DENND2B: variants seen among roughly 807,000 people sequenced by gnomAD.
The protein encoded by DENND2B is DENN domain-containing protein 2B.
DENND2B carries 32 observed loss-of-function variants against 116.0 expected under a neutral mutation model. That is an observed-to-expected ratio of 0.28 (90% CI 0.21 to 0.37). The LOEUF (loss-of-function observed/expected upper bound fraction) is 0.37, where lower values mean the gene tolerates loss of function less well. Among genes scored for constraint, DENND2B ranks in the 10% least tolerant of loss-of-function variants. The pLI, the probability that DENND2B is intolerant of heterozygous loss-of-function variation, is 1.00. For synonymous variants in DENND2B, 588 were observed against 583.9 expected, an observed-to-expected ratio of 1.01 and a Z score of -0.10; for missense variants, 1,276 against 1,477.7, an observed-to-expected ratio of 0.86 and a Z score of 2.24.
chr11:8,818,332 C>G (rs2061650104), intron 4 of DENND2B, among the ~76,000 whole-genome samples: 1 of 151,828 alleles, frequency 6.6e-6, no homozygotes, highest in Non-Finnish European at 1.5e-5. Flanking sequence ...CAACAATGAC[C>G]TTAACCTACC....
Position 8,717,790 on chromosome 11 carries a change from T to G in DENND2B, c.1580A>C (p.His527Pro). 1 of 1,610,552 alleles carries G rather than the reference T, an allele frequency of 6.2e-7. No homozygotes were observed. Reference protein sequence around the residue: ...QLSENSLDSLHRMWSPQDRKY... With the variant: ...QLSENSLDSLPRMWSPQDRKY... ...CCTGTCCTGAGGACTCCACATCCTG[T>G]GCAAAGAGTCCAAGGAGTTCTCAGA... The change falls in exon 5 of 20, where the codon CAC (histidine) becomes CCC (proline). Residue 527 changes from histidine (H) to proline (P), a missense_variant. Around this residue, in one of 2 missense-constraint regions of DENND2B, gnomAD observed 856 missense variants for 846.6 expected, o/e 1.01. Coordinates refer to ENST00000313726, the MANE Select transcript of DENND2B (RefSeq NM_213618.2).
In DENND2B at chr11:8,766,202, G is replaced by A. The variant is rs186897342; in HGVS notation, c.-25-15477C>T. On this transcript the variant is annotated intron_variant, in intron 1 of 19. Transcript: ENST00000313726. The stretch of plus-strand genomic sequence containing the variant: ...TCATGGAGCCAAGAGGAGTTCCCAG[G>A]GCAGGCCCAACCCAGCCCCAGAAGT... Among the ~76,000 whole-genome samples, 282 of 152,112 alleles carry A rather than the reference G, an allele frequency of 1.9e-3. 2 individuals carry two copies. Among genetic ancestry groups the A allele is most frequent in the African/African-American group, 6.3e-3 (261 of 41,498 alleles).
chr11:8,708,130 C>A, intron 11 of DENND2B: 1 of 1,362,848 alleles, frequency 7.3e-7, no homozygotes, highest in East Asian at 3.1e-5. Context: ...AGGACGCTGA[C>A]GGGGGCTGGC....
At chr11:8,879,607 A>G (rs557725626) in intron 2 of DENND2B, among the ~76,000 whole-genome samples, 1 of 152,338 alleles carries the variant, frequency 6.6e-6, no homozygotes, top group Non-Finnish European at 1.5e-5. Context: ...AAATCACCCA[A>G]AGAGAACTGT....
intron 14 of DENND2B, chr11:8,699,945 G>A (rs1247282296): frequency 2.6e-5 from 12 of 456,278 alleles, no homozygotes; most frequent in East Asian, 6.9e-5. Context: ...TTGAATACCC[G>A]GCCAGGCCAA....
chr11:8,702,206 T>A lies in DENND2B; in HGVS notation c.2720+366A>T, dbSNP rs2041834162. 6.6e-6 allele frequency among the ~76,000 whole-genome samples: 1 copy of A among 152,220 alleles called. No individual in the cohort carries two copies. Among genetic ancestry groups the A allele is most frequent in the South Asian group, 2.1e-4 (1 of 4,832 alleles). On this transcript the variant is annotated intron_variant, in intron 14 of 19. Transcript: ENST00000313726. The surrounding 1 kb of genome is among the most constrained non-coding windows in gnomAD (Gnocchi z 4.6). ...CCTCAAACTCAGCATCCCATTGAGA[T>A]GGCTTTGCCTCCCCCTCCAGAAGAA...
intron 1 of DENND2B, among the ~76,000 whole-genome samples, chr11:8,765,198 G>A (rs1461592301): frequency 1.3e-5 from 2 of 152,150 alleles, no homozygotes; most frequent in Admixed American, 6.5e-5. Context: ...AGCTGAGACT[G>A]CAGAGAAAGA....
chr11:8,717,356 G>C (rs2045078275), intron 5 of DENND2B, among the ~76,000 whole-genome samples: 1 of 152,202 alleles, frequency 6.6e-6, no homozygotes, highest in South Asian at 2.1e-4. Flanking sequence ...AGAATGCCAA[G>C]ACTCCCACTA....
chr11:8,778,018 A>G (rs962887475), intron 1 of DENND2B, among the ~76,000 whole-genome samples: 1 of 152,244 alleles, frequency 6.6e-6, no homozygotes, highest in African/African-American at 2.4e-5. Flanking sequence ...GAGCTTACCC[A>G]AAACAACAGT....
chr11:8,765,435 C>T (rs1009877246), intron 1 of DENND2B, among the ~76,000 whole-genome samples: 1 of 152,200 alleles, frequency 6.6e-6, no homozygotes, highest in Non-Finnish European at 1.5e-5. Flanking sequence ...GTTGAACACC[C>T]CATGAGTTCA....
chr11:8,846,790 C>A (rs2062830713), intron 3 of DENND2B, among the ~76,000 whole-genome samples: 1 of 152,154 alleles, frequency 6.6e-6, no homozygotes, highest in Admixed American at 6.5e-5. Flanking sequence ...CAGAGGCGGC[C>A]TGCAATATTT....
At chr11:8,727,900 G>GTT (rs35687800) in intron 3 of DENND2B, among the ~76,000 whole-genome samples, 1,504 of 121,596 alleles carry the variant, frequency 0.012, 48 homozygotes, top group African/African-American at 0.031. Flanking sequence ...TTCTCCCCAG[G>GTT]TTTTTTTTTT....
intron 2 of DENND2B, among the ~76,000 whole-genome samples, 176 bp from the exon 3 acceptor site, chr11:8,731,385 C>T (rs2048105589): frequency 6.6e-6 from 1 of 152,164 alleles, no homozygotes; most frequent in African/African-American, 2.4e-5. Flanking sequence ...AGCAATAGCT[C>T]CTTAATCACA....
chr11:8,776,073 C>T (rs1018426810), intron 1 of DENND2B: 5 of 386,532 alleles, frequency 1.3e-5, no homozygotes, highest in African/African-American at 2.1e-5. Context: ...CAGCCCTGGC[C>T]CTACCACCCT....
At chr11:8,887,616 C>G (rs2063976709) in intron 1 of DENND2B, among the ~76,000 whole-genome samples, 1 of 152,174 alleles carries the variant, frequency 6.6e-6, no homozygotes, top group Non-Finnish European at 1.5e-5. Flanking sequence ...GCCACATGTT[C>G]TATTCAGCTC....
chr11:8,909,437 G>GGAA (rs375233557), intron 1 of DENND2B, among the ~76,000 whole-genome samples: 55,386 of 148,552 alleles, frequency 0.37, 10,566 homozygotes, highest in South Asian at 0.5. Context: ...AGGAGGAGGA[G>GGAA]GAAGAAGGAG....
chr11:8,764,509 GC>G (rs2055265754), intron 1 of DENND2B, among the ~76,000 whole-genome samples: 1 of 152,156 alleles, frequency 6.6e-6, no homozygotes, highest in African/African-American at 2.4e-5. Flanking sequence ...TAAGTAATTT[GC>G]CTAGCGTTTC....
At chr11:8,868,757 G>C (rs140615487) in intron 2 of DENND2B, among the ~76,000 whole-genome samples, 16 of 152,282 alleles carry the variant, frequency 1.1e-4, no homozygotes, top group African/African-American at 3.4e-4. Flanking sequence ...CCATTCTCTT[G>C]AAAGCTTTCC....
chr11:8,818,225 C>G (rs995255387), intron 4 of DENND2B, among the ~76,000 whole-genome samples: 5 of 148,008 alleles, frequency 3.4e-5, no homozygotes, highest in Non-Finnish European at 7.4e-5. Flanking sequence ...ATCACACCAC[C>G]GTACTCCAGC....
Sources: allele counts gnomAD v4.1 joint callset (sites outside exome capture counted in the v4.1 genomes callset), GRCh38; gene constraint gnomAD v4.1.1; regional missense constraint gnomAD v4.1.1; non-coding constraint Gnocchi (gnomAD v3.1); transcripts MANE v1.5; gene names NCBI Gene and HGNC (gene_info 2026-07-23, HGNC 2026-07-21).